PSD3: variants seen among roughly 807,000 people sequenced by gnomAD.
The protein encoded by PSD3 is pleckstrin and Sec7 domain containing 3.
Under a neutral mutation model 105.5 loss-of-function variants are expected in PSD3, and 49 were observed. The ratio of observed to expected loss-of-function variants is 0.46; its 90% CI spans 0.37 to 0.59. The LOEUF (loss-of-function observed/expected upper bound fraction) is 0.59, where lower values mean the gene tolerates loss of function less well. PSD3 is among the 20% of genes least tolerant of loss of function. PSD3 has a pLI of 0.00. For synonymous variants in PSD3, 557 were observed against 457.8 expected (o/e 1.22, Z -2.77); for missense variants, 1,561 against 1,263.8 (o/e 1.24, Z -3.57).
intron 9 of PSD3, among the ~76,000 whole-genome samples, chr8:18,696,239 C>A (rs1801253934): frequency 6.6e-6 from 1 of 152,234 alleles, no homozygotes; most frequent in Admixed American, 6.5e-5. Context: ...TTCCTTTCCA[C>A]CTCCTCCTCA....
At chr8:19,080,252 A>G (rs943554216) in intron 1 of PSD3, among the ~76,000 whole-genome samples, 1 of 152,180 alleles carries the variant, frequency 6.6e-6, no homozygotes, top group African/African-American at 2.4e-5. Flanking sequence ...GTATTCATAG[A>G]TGCATAGGTA....
At chr8:19,077,373 G>C (rs1031910085) in intron 1 of PSD3, among the ~76,000 whole-genome samples, 1 of 152,076 alleles carries the variant, frequency 6.6e-6, no homozygotes, top group Admixed American at 6.6e-5. Context: ...ATTCTAAAAA[G>C]TTAAAATGGA....
At chr8:18,554,545 T>C (rs1800955189) in intron 15 of PSD3, among the ~76,000 whole-genome samples, 1 of 152,182 alleles carries the variant, frequency 6.6e-6, no homozygotes. Flanking sequence ...TACATGGAAC[T>C]GTAGTGGAAG....
At chr8:18,997,123 T>C (rs1222090814) in intron 1 of PSD3, among the ~76,000 whole-genome samples, 2 of 151,914 alleles carry the variant, frequency 1.3e-5, no homozygotes, top group African/African-American at 4.8e-5. Context: ...ATTCGCTCCC[T>C]GTGGATTTCA....
At chr8:18,838,779 G>C (rs775730748) in intron 4 of PSD3, among the ~76,000 whole-genome samples, 87 of 149,572 alleles carry the variant, frequency 5.8e-4, no homozygotes, top group Non-Finnish European at 1.0e-3. Flanking sequence ...TCCAGCCTGG[G>C]TGACAGAGCG....
At chr8:18,819,239 A>T (rs1316412037) in intron 4 of PSD3, among the ~76,000 whole-genome samples, 1 of 152,208 alleles carries the variant, frequency 6.6e-6, no homozygotes, top group African/African-American at 2.4e-5. Flanking sequence ...TTTAGTCAAC[A>T]AATACTTTGA....
intron 1 of PSD3, among the ~76,000 whole-genome samples, chr8:18,955,953 A>G (rs1823546003): frequency 6.6e-6 from 1 of 151,980 alleles, no homozygotes; most frequent in Admixed American, 6.5e-5. Flanking sequence ...TTTTCAGTAG[A>G]CAATGAGTTT....
In PSD3 at chr8:18,853,293, C is replaced by T. The variant is rs116366721; in HGVS notation, c.1634+14381G>A. The stretch of plus-strand genomic sequence containing the variant: ...AATGCCAATGTTACCAATGCATACC[C>T]ACAAATACACCTGTTATAATCATTG... On this transcript the variant is annotated intron_variant, in intron 4 of 15. Coordinates refer to ENST00000327040, the MANE Select transcript of PSD3 (RefSeq NM_015310.4). Among the ~76,000 whole-genome samples, 341 of 152,258 alleles carry T rather than the reference C, an allele frequency of 2.2e-3. 1 individual carries two copies. Among genetic ancestry groups the T allele is most frequent in the African/African-American group, 7.8e-3 (325 of 41,560 alleles).
intron 9 of PSD3, among the ~76,000 whole-genome samples, chr8:18,679,496 A>C (rs1282498406): frequency 2.6e-5 from 4 of 152,230 alleles, no homozygotes; most frequent in Non-Finnish European, 5.9e-5. Context: ...TTTATTCAGA[A>C]TACATATAAA....
At chr8:18,793,388 C>CA (rs1809921779) in intron 8 of PSD3, among the ~76,000 whole-genome samples, 1 of 115,450 alleles carries the variant, frequency 8.7e-6, no homozygotes, top group African/African-American at 3.0e-5. Flanking sequence ...AAAAACAAAA[C>CA]AAAACTGGGT....
chr8:18,987,412 C>G (rs886659289), intron 1 of PSD3, among the ~76,000 whole-genome samples: 8 of 152,014 alleles, frequency 5.3e-5, no homozygotes, highest in Non-Finnish European at 7.4e-5. Context: ...CTCAGCCTCC[C>G]AAGTAGCTGG....
At position 18,858,825 on chromosome 8, in the gene PSD3, TATTTA is replaced by T. The variant is rs544317424; in HGVS notation, c.1634+8844_1634+8848del. Among the ~76,000 whole-genome samples, 718 of 152,344 alleles carry T rather than the reference TATTTA, an allele frequency of 4.7e-3. 1 individual carries two copies. Among genetic ancestry groups the T allele is most frequent in the Non-Finnish European group, 8.0e-3 (547 of 68,030 alleles). ...CTGCTATTTCCACCACATCTGCAGT[TATTTA>T]ATCTACTGGAAGTTTCAAACCACTC... is the stretch of plus-strand genomic sequence containing the variant. On this transcript the variant is annotated intron_variant, in intron 4 of 15. Coordinates refer to ENST00000327040, the MANE Select transcript of PSD3 (RefSeq NM_015310.4).
intron 9 of PSD3, among the ~76,000 whole-genome samples, chr8:18,726,748 A>G (rs1302597984): frequency 1.3e-5 from 2 of 152,186 alleles, no homozygotes; most frequent in Non-Finnish European, 2.9e-5. Context: ...AGCTTATGCA[A>G]AATACCTTCA....
At chr8:19,043,312 A>G (rs1043492316) in intron 1 of PSD3, among the ~76,000 whole-genome samples, 2 of 152,198 alleles carry the variant, frequency 1.3e-5, no homozygotes, top group African/African-American at 2.4e-5. Context: ...AAACCTTTCC[A>G]TACATACTAT....
chr8:18,872,855 A>G (rs1817485142), intron 2 of PSD3, 122 bp from the exon 3 acceptor site: 4 of 966,430 alleles, frequency 4.1e-6, no homozygotes, highest in Non-Finnish European at 6.1e-6. Context: ...ATTGCATTAT[A>G]TCAGTCCTCC....
chr8:18,716,158 GTATTA>G (rs144600534), intron 9 of PSD3, among the ~76,000 whole-genome samples: 3,136 of 152,242 alleles, frequency 0.021, 109 homozygotes, highest in African/African-American at 0.07. Flanking sequence ...GATTTATCAG[GTATTA>G]AACAGTTGAT....
chr8:18,580,637 G>T lies in PSD3; in HGVS notation c.2482-5352C>A, dbSNP rs543202296. On this transcript the variant is annotated intron_variant, in intron 12 of 15. Transcript: ENST00000327040. ...GCAGGTGGAACAAAATCTCTCTTCC[G>T]AGTAAGCCAGAGAATAAAGATGATT... Among the ~76,000 whole-genome samples the T allele has an allele frequency of 1.8e-4, 28 of 152,148 alleles. 2 individuals are homozygous for T. In the South Asian group the frequency reaches 5.6e-3, roughly 30 times the overall value.
At chr8:18,670,869 C>T (rs1799747659) in intron 9 of PSD3, among the ~76,000 whole-genome samples, 1 of 152,052 alleles carries the variant, frequency 6.6e-6, no homozygotes. Context: ...ACTCGGGGAG[C>T]AGGGTGGGGG....
chr8:19,010,639 A>G (rs1338966468), intron 1 of PSD3, among the ~76,000 whole-genome samples: 1 of 152,028 alleles, frequency 6.6e-6, no homozygotes, highest in Non-Finnish European at 1.5e-5. Flanking sequence ...ACTCAGAAAC[A>G]CTCTTTGAAA....
Sources: gnomAD v4.1 joint callset for allele counts (sites outside exome capture counted in the v4.1 genomes callset) on GRCh38, gnomAD v4.1.1 for gene constraint, MANE v1.5 for transcripts, NCBI Gene and HGNC (gene_info 2026-07-23, HGNC 2026-07-21) for gene names.